The following PPP1R12A variants were observed in gnomAD, a reference collection of about 807,000 sequenced individuals.
PPP1R12A encodes the protein protein phosphatase 1 regulatory subunit 12A.
Under a neutral mutation model 139.6 loss-of-function variants are expected in PPP1R12A, and 19 were observed. The ratio of observed to expected loss-of-function variants is 0.14; its 90% confidence interval spans 0.09 to 0.20. The LOEUF is 0.20. Among genes scored for constraint, PPP1R12A ranks in the 10% least tolerant of loss-of-function variants. The pLI, the probability that PPP1R12A is intolerant of heterozygous loss-of-function variation, is 1.00. For synonymous variants in PPP1R12A, 427 were observed against 420.6 expected, an observed-to-expected ratio of 1.02 and a Z score of -0.19; for missense variants, 925 against 1,211.5, an observed-to-expected ratio of 0.76 and a Z score of 3.51.
chr12:79,934,197 T>A (rs578095102), intron 1 of PPP1R12A, among the ~76,000 whole-genome samples: 25 of 152,292 alleles, frequency 1.6e-4, no homozygotes, highest in African/African-American at 5.8e-4. Context: ...TTACTATTAT[T>A]ATCATCATTT....
chr12:79,883,357 CA>C (rs1216579939), intron 1 of PPP1R12A, among the ~76,000 whole-genome samples: 2 of 151,476 alleles, frequency 1.3e-5, no homozygotes, highest in East Asian at 3.9e-4. Context: ...ACTGAGAAAC[CA>C]AAAAAAATTG....
At chr12:79,788,589 A>G (rs1871399697) in intron 21 of PPP1R12A, 59 bp downstream of exon 21, 3 of 1,414,298 alleles carry the variant, frequency 2.1e-6, no homozygotes, top group Non-Finnish European at 2.9e-6. Flanking sequence ...TAATATTTGA[A>G]TGAGTATCTC....
intron 23 of PPP1R12A, among the ~76,000 whole-genome samples, chr12:79,780,939 T>A (rs752537898): frequency 6.6e-6 from 1 of 152,086 alleles, no homozygotes; most frequent in Non-Finnish European, 1.5e-5. Context: ...TTTTTTTTGG[T>A]GAAAAGGGCA....
intron 2 of PPP1R12A, among the ~76,000 whole-genome samples, chr12:79,859,726 G>C (rs79868248): frequency 1.3e-5 from 2 of 152,128 alleles, no homozygotes; most frequent in African/African-American, 2.4e-5. Context: ...AAAACACAGC[G>C]AGACTCTGTC....
intron 20 of PPP1R12A, 145 bp downstream of exon 20, chr12:79,790,322 A>G: frequency 2.0e-6 from 1 of 506,142 alleles, no homozygotes; most frequent in Non-Finnish European, 3.4e-6. Context: ...AAAGAAAGCT[A>G]GTAACAATGA....
At chr12:79,929,329 T>C (rs1325326926) in intron 1 of PPP1R12A, among the ~76,000 whole-genome samples, 1 of 152,198 alleles carries the variant, frequency 6.6e-6, no homozygotes, top group Non-Finnish European at 1.5e-5. Flanking sequence ...GGCCCAGCGT[T>C]TGTGAACCCC....
At chr12:79,835,631 T>C (rs1877981458) in intron 3 of PPP1R12A, among the ~76,000 whole-genome samples, 2 of 152,210 alleles carry the variant, frequency 1.3e-5, no homozygotes, top group South Asian at 4.1e-4. Flanking sequence ...AATCTACTGC[T>C]GGACTGGAAA....
intron 9 of PPP1R12A, among the ~76,000 whole-genome samples, chr12:79,813,290 G>T (rs2694664): frequency 0.21 from 31,578 of 151,962 alleles, 5,870 homozygotes; most frequent in African/African-American, 0.49. Context: ...TTTCAACAAG[G>T]TTTACAAGCC....
intron 1 of PPP1R12A, among the ~76,000 whole-genome samples, chr12:79,923,455 T>A (rs562561340): frequency 6.6e-6 from 1 of 152,342 alleles, no homozygotes; most frequent in East Asian, 1.9e-4. Context: ...ATGAATATTC[T>A]TTAACACAGA....
intron 2 of PPP1R12A, among the ~76,000 whole-genome samples, chr12:79,862,730 C>G (rs1036877440): frequency 4.0e-5 from 6 of 151,508 alleles, no homozygotes; most frequent in Admixed American, 6.6e-5. Context: ...GATGGAAGAT[C>G]AAATTAATGA....
chr12:79,917,705 G>GA (rs1339853837), intron 1 of PPP1R12A, among the ~76,000 whole-genome samples: 11 of 151,904 alleles, frequency 7.2e-5, no homozygotes, highest in South Asian at 6.2e-4. Flanking sequence ...GAGCAAAAAA[G>GA]AAAAAACATT....
intron 1 of PPP1R12A, among the ~76,000 whole-genome samples, chr12:79,922,991 T>C (rs537728681): frequency 2.6e-4 from 40 of 152,284 alleles, no homozygotes; most frequent in Non-Finnish European, 4.4e-4. Flanking sequence ...GTACATGGTA[T>C]AGGCCAGGTG....
chr12:79,863,285 CCAT>C (rs1310266905), intron 2 of PPP1R12A, among the ~76,000 whole-genome samples: 10 of 152,122 alleles, frequency 6.6e-5, no homozygotes, highest in Non-Finnish European at 1.3e-4. Context: ...TTTGTCACCA[CCAT>C]GTCTGCCTTA....
chr12:79,829,460 C>CCAT (rs551087410), intron 4 of PPP1R12A, among the ~76,000 whole-genome samples: 178 of 152,182 alleles, frequency 1.2e-3, no homozygotes, highest in African/African-American at 4.2e-3. Flanking sequence ...CGTAACGGAA[C>CCAT]CATCTGAAGG....
intron 2 of PPP1R12A, among the ~76,000 whole-genome samples, chr12:79,856,409 T>C (rs957568716): frequency 6.6e-6 from 1 of 152,224 alleles, no homozygotes; most frequent in Non-Finnish European, 1.5e-5. Context: ...ATAACACATA[T>C]GCATAAATAA....
At chr12:79,894,167 T>C (rs183820246) in intron 1 of PPP1R12A, among the ~76,000 whole-genome samples, 9 of 152,298 alleles carry the variant, frequency 5.9e-5, no homozygotes, top group Admixed American at 3.3e-4. Flanking sequence ...AAAAATTACA[T>C]AACCAATAGC....
intron 3 of PPP1R12A, 162 bp from the exon 4 acceptor site, chr12:79,832,653 G>A: frequency 3.3e-6 from 2 of 608,052 alleles, no homozygotes; most frequent in South Asian, 6.5e-5. Context: ...AAAAAATGTG[G>A]GGATATTGTA....
intron 1 of PPP1R12A, among the ~76,000 whole-genome samples, chr12:79,883,132 G>A (rs1055117580): frequency 4.6e-5 from 7 of 151,978 alleles, no homozygotes; most frequent in African/African-American, 1.2e-4. Context: ...GCAAGACTCC[G>A]TCAAAACAAA....
chr12:79,777,446 T>G (rs554140105), intron 24 of PPP1R12A: 3 of 985,082 alleles, frequency 3.0e-6, no homozygotes, highest in Admixed American at 1.2e-4. Flanking sequence ...AAAAGTGAGC[T>G]CTTACAAAAC....
Sources: gnomAD v4.1 joint callset for allele counts (sites outside exome capture counted in the v4.1 genomes callset) on GRCh38, gnomAD v4.1.1 for gene constraint, MANE v1.5 for transcripts, NCBI Gene and HGNC (gene_info 2026-07-23, HGNC 2026-07-21) for gene names.